Variants in DIAPH3 observed in about 807,000 individuals in gnomAD.
DIAPH3 encodes protein diaphanous homolog 3.
DIAPH3 carries 117 observed loss-of-function variants against 144.3 expected under a neutral mutation model. The observed-to-expected ratio is 0.81, with a 90% CI of 0.70 to 0.95. The LOEUF (loss-of-function observed/expected upper bound fraction) is 0.95, where lower values mean the gene tolerates loss of function less well. Ranked by LOEUF, DIAPH3 falls within the 40% of genes least tolerant of loss-of-function variation. The probability of loss-of-function intolerance (pLI) is 0.00; values close to 1 mark genes in which losing one functional copy is unlikely to be tolerated. For synonymous variants in DIAPH3, 519 were observed against 488.9 expected, an observed-to-expected ratio of 1.06 and a Z score of -0.81; for missense variants, 1,421 against 1,412.7, an observed-to-expected ratio of 1.01 and a Z score of -0.09.
intron 22 of DIAPH3, among the ~76,000 whole-genome samples, chr13:59,842,130 C>T (rs2042384073): frequency 1.3e-5 from 2 of 152,086 alleles, no homozygotes; most frequent in African/African-American, 4.8e-5. Context: ...TCCATATTCC[C>T]TGCCTAAACC....
intron 17 of DIAPH3, among the ~76,000 whole-genome samples, chr13:59,959,232 C>T (rs2049599332): frequency 6.6e-6 from 1 of 152,018 alleles, no homozygotes; most frequent in Admixed American, 6.6e-5. Context: ...TCAAAATGCC[C>T]CAGGACTCCT....
intron 17 of DIAPH3, among the ~76,000 whole-genome samples, chr13:59,959,158 G>C (rs2049593718): frequency 6.6e-6 from 1 of 152,110 alleles, no homozygotes; most frequent in South Asian, 2.1e-4. Context: ...TTACAGGTGT[G>C]AGCCACTGCA....
At chr13:59,971,504 C>A (rs2140581239) in intron 15 of DIAPH3, among the ~76,000 whole-genome samples, 1 of 152,158 alleles carries the variant, frequency 6.6e-6, no homozygotes, top group Non-Finnish European at 1.5e-5. Context: ...GCCAGGGAAG[C>A]AGAGAAGTTC....
intron 24 of DIAPH3, among the ~76,000 whole-genome samples, chr13:59,832,640 A>G (rs1026242477): frequency 6.6e-6 from 1 of 151,814 alleles, no homozygotes; most frequent in African/African-American, 2.4e-5. Context: ...TCCCTATTAA[A>G]GTATCCTAAA....
chr13:59,930,974 C>G (rs1191228874), intron 17 of DIAPH3, among the ~76,000 whole-genome samples: 1 of 152,102 alleles, frequency 6.6e-6, no homozygotes, highest in African/African-American at 2.4e-5. Context: ...ACTTGAATAA[C>G]CAACTGCTCC....
intron 17 of DIAPH3, among the ~76,000 whole-genome samples, chr13:59,931,733 G>A (rs2077265283): frequency 6.6e-6 from 1 of 152,160 alleles, no homozygotes; most frequent in African/African-American, 2.4e-5. Flanking sequence ...CAATCAGATA[G>A]ATGATAATGA....
intron 5 of DIAPH3, among the ~76,000 whole-genome samples, chr13:60,024,107 A>C (rs1016801983): frequency 6.6e-6 from 1 of 151,762 alleles, no homozygotes; most frequent in African/African-American, 2.4e-5. Context: ...CAGCCGCCTC[A>C]GCCTCCCAAA....
chr13:60,042,408 T>A lies in DIAPH3; in HGVS notation c.626+282A>T, dbSNP rs187254387. Among the ~76,000 whole-genome samples the A allele has an allele frequency of 2.6e-4, 39 of 152,308 alleles. 1 individual carries two copies. The highest frequency in any genetic ancestry group is 3.4e-3 in the Middle Eastern group (1 of 294). ...AGGGTGAAACTCAGTCATATTAAATTAATAGTTTCTCACATGACAATTGTC... is the reference window on the plus strand; with the variant it reads ...AGGGTGAAACTCAGTCATATTAAATAAATAGTTTCTCACATGACAATTGTC... On this transcript the variant is annotated intron_variant, in intron 5 of 27. Coordinates refer to ENST00000400324, the MANE Select transcript of DIAPH3 (RefSeq NM_001042517.2).
chr13:59,769,272 A>T (rs1347174449), intron 27 of DIAPH3, among the ~76,000 whole-genome samples: 1 of 152,194 alleles, frequency 6.6e-6, no homozygotes, highest in Admixed American at 6.6e-5. Flanking sequence ...GGTTACAAAG[A>T]AAACAATCAA....
In DIAPH3 at chr13:59,998,549, TAAATGAAG is replaced by T. The variant is rs527750759; in HGVS notation, c.1015-5974_1015-5967del. 1.7e-4 allele frequency among the ~76,000 whole-genome samples: 26 copies of T among 152,228 alleles called. No individual in the cohort carries two copies. In the East Asian group the frequency reaches 5.0e-3, roughly 29 times the overall value. ...ATCTTTCTAGTTGTCCACTGTAGAA[TAAATGAAG>T]AAATGTATTATATAGACTTATTAGG... is the stretch of plus-strand genomic sequence containing the variant. On this transcript the variant is annotated intron_variant, in intron 9 of 27. Transcript: ENST00000400324.
intron 24 of DIAPH3, 165 bp downstream of exon 24, chr13:59,832,942 C>A: frequency 1.5e-6 from 1 of 659,804 alleles, no homozygotes; most frequent in Non-Finnish European, 2.7e-6. Context: ...AAAAGGAGAA[C>A]AAACCATACA....
intron 4 of DIAPH3, among the ~76,000 whole-genome samples, chr13:60,081,006 C>A (rs2057541057): frequency 6.6e-6 from 1 of 151,962 alleles, no homozygotes. Context: ...ATCAGGCCTG[C>A]TTAATTGCAC....
intron 4 of DIAPH3, among the ~76,000 whole-genome samples, chr13:60,089,916 G>T (rs949066906): frequency 2.6e-5 from 4 of 152,114 alleles, no homozygotes; most frequent in Non-Finnish European, 5.9e-5. Flanking sequence ...GCATGTGGAT[G>T]GTATATCAGG....
intron 1 of DIAPH3, among the ~76,000 whole-genome samples, chr13:60,134,287 A>G (rs1391452209): frequency 6.6e-6 from 1 of 152,244 alleles, no homozygotes; most frequent in Non-Finnish European, 1.5e-5. Context: ...ATAATAGTGG[A>G]TTAACTAAGG....
At chr13:60,010,131 C>T (rs1458849990) in intron 8 of DIAPH3, among the ~76,000 whole-genome samples, 1 of 151,892 alleles carries the variant, frequency 6.6e-6, no homozygotes, top group African/African-American at 2.4e-5. Context: ...ATTTCCAAAT[C>T]GTAATATGTT....
chr13:60,117,361 T>C (rs1189862064), intron 2 of DIAPH3, among the ~76,000 whole-genome samples: 2 of 152,038 alleles, frequency 1.3e-5, no homozygotes, highest in Non-Finnish European at 2.9e-5. Flanking sequence ...TATTTCATAT[T>C]TTCAATATAA....
At chr13:59,885,855 CAG>C (rs1325653758) in intron 20 of DIAPH3, among the ~76,000 whole-genome samples, 2 of 152,028 alleles carry the variant, frequency 1.3e-5, no homozygotes, top group African/African-American at 4.8e-5. Flanking sequence ...GATTCTCACT[CAG>C]AGACTCTGGA....
rs777143819 is a variant in DIAPH3 at position 59,666,656 on chromosome 13, A to G, written c.3510T>C (p.Leu1170=). ...ATTCATTTTTAGAAAAAGAGCCAAGAAGTTCCGTTTCCTTTTTTCTGTTGC... is the reference window on the plus strand; with the variant it reads ...ATTCATTTTTAGAAAAAGAGCCAAGGAGTTCCGTTTCCTTTTTTCTGTTGC... ...VESNRKKETE[L]LGSFSKNESV... The change falls in exon 28 of 28, where the codon CTT becomes CTC. Residue 1170 remains leucine (L), a synonymous_variant. Transcript: ENST00000400324. The G allele has an allele frequency of 4.3e-6, 7 of 1,614,134 alleles. No homozygotes were observed. Among genetic ancestry groups the G allele is most frequent in the Non-Finnish European group, 5.9e-6 (7 of 1,179,998 alleles).
At chr13:60,095,255 T>C (rs1018152313) in intron 3 of DIAPH3, among the ~76,000 whole-genome samples, 2 of 152,190 alleles carry the variant, frequency 1.3e-5, no homozygotes, top group Non-Finnish European at 2.9e-5. Context: ...GGCTTCATCA[T>C]AGAAAGAATT....
Sources: gnomAD v4.1 joint callset for allele counts (sites outside exome capture counted in the v4.1 genomes callset) on GRCh38, gnomAD v4.1.1 for gene constraint, MANE v1.5 for transcripts, NCBI Gene and HGNC (gene_info 2026-07-23, HGNC 2026-07-21) for gene names.